Variants in ATP2B4 observed in about 807,000 individuals in gnomAD.
The protein encoded by ATP2B4 is ATPase plasma membrane Ca2+ transporting 4.
ATP2B4 carries 39 observed loss-of-function variants against 110.3 expected under a neutral mutation model. The observed-to-expected ratio is 0.35, with a 90% CI of 0.27 to 0.46. ATP2B4 has a LOEUF of 0.46. ATP2B4 is among the 20% of genes least tolerant of loss of function. The pLI, the probability that ATP2B4 is intolerant of heterozygous loss-of-function variation, is 1.00. For synonymous variants in ATP2B4, 538 were observed against 571.7 expected (o/e 0.94, Z 0.84); for missense variants, 1,135 against 1,530.9 (o/e 0.74, Z 4.32).
intron 1 of ATP2B4, among the ~76,000 whole-genome samples, chr1:203,680,319 C>CA (rs1193949473): frequency 6.6e-6 from 1 of 152,034 alleles, no homozygotes; most frequent in African/African-American, 2.4e-5. Context: ...TCATTAAGAT[C>CA]AAATTAGGCG....
chr1:203,680,525 C>T (rs1013713651), intron 1 of ATP2B4, among the ~76,000 whole-genome samples: 4 of 151,566 alleles, frequency 2.6e-5, no homozygotes, highest in Admixed American at 6.6e-5. Flanking sequence ...AGGAGAATGG[C>T]GTGAACCCGG....
chr1:203,636,355 C>T (rs929391112), intron 1 of ATP2B4, among the ~76,000 whole-genome samples: 5 of 152,178 alleles, frequency 3.3e-5, no homozygotes, highest in African/African-American at 4.8e-5. Context: ...CTGATCGTCG[C>T]TCTGGAGAGA....
At chr1:203,658,076 A>AG (rs1664219796) in intron 1 of ATP2B4, among the ~76,000 whole-genome samples, 1 of 152,228 alleles carries the variant, frequency 6.6e-6, no homozygotes, top group Admixed American at 6.5e-5. Flanking sequence ...AACACTTAAT[A>AG]GACTATAGTA....
At chr1:203,720,775 A>C (rs762384673) in intron 16 of ATP2B4, 35 bp downstream of exon 16, 184 of 1,588,612 alleles carry the variant, frequency 1.2e-4, no homozygotes, top group Non-Finnish European at 1.5e-5. Flanking sequence ...GACGGGAGGG[A>C]TGAGTCAGGG....
chr1:203,648,285 GTT>G (rs1001737241), intron 1 of ATP2B4, among the ~76,000 whole-genome samples: 18 of 151,592 alleles, frequency 1.2e-4, no homozygotes, highest in African/African-American at 3.6e-4. Flanking sequence ...GAAAAGAAGT[GTT>G]TTTTTTAAAA....
intron 1 of ATP2B4, among the ~76,000 whole-genome samples, chr1:203,659,495 G>A (rs193090402): frequency 6.6e-6 from 1 of 151,562 alleles, no homozygotes; most frequent in African/African-American, 2.4e-5. Flanking sequence ...ACAGCAAAAC[G>A]TTGTCTCTAC....
Position 203,700,880 on chromosome 1 carries a change from C to T in ATP2B4, c.858C>T (p.Leu286=), listed in dbSNP as rs752521673. 19 of 1,613,604 alleles carry T rather than the reference C, an allele frequency of 1.2e-5. No homozygotes were observed. The highest frequency in any genetic ancestry group is 3.3e-4 in the Middle Eastern group (2 of 6,080). Reference sequence around the variant, plus strand: ...CTCAGACTGGAATCATCCTTACTCTCTTGGGGGTCAATGAGGATGACGAAG... The same window carrying T: ...CTCAGACTGGAATCATCCTTACTCTTTTGGGGGTCAATGAGGATGACGAAG... ...VNSQTGIILT[L]LGVNEDDEGE... Residue 286 remains leucine, a synonymous_variant, in exon 6 of 21, where the codon CTC becomes CTT. Coordinates refer to ENST00000357681, the MANE Select transcript of ATP2B4 (RefSeq NM_001684.5).
At chr1:203,686,685 C>CTTTTGTTTTTTTTTTTTTTT (rs1665194016) in intron 2 of ATP2B4, among the ~76,000 whole-genome samples, 3 of 42,784 alleles carry the variant, frequency 7.0e-5, no homozygotes, top group African/African-American at 3.0e-4. Flanking sequence ...TCTTTTCTTT[C>CTTTTGTTTTTTTTTTTTTTT]TTTTTTTTTT....
intron 14 of ATP2B4, among the ~76,000 whole-genome samples, chr1:203,713,955 C>T (rs1173491449): frequency 6.6e-6 from 1 of 152,164 alleles, no homozygotes; most frequent in Non-Finnish European, 1.5e-5. Context: ...GAAATCCATC[C>T]TATGTGTTCT....
chr1:203,724,875 T>G lies in ATP2B4; in HGVS notation c.3132+887T>G, dbSNP rs985452827. The stretch of plus-strand genomic sequence containing the variant: ...TTTGAATCCAGCTCTCTGTTTTTTT[T>G]TTTTTTTTTTTTTTTTTCTGAGACA... On this transcript the variant is annotated intron_variant, in intron 19 of 20. Coordinates refer to ENST00000357681, the MANE Select transcript of ATP2B4 (RefSeq NM_001684.5). Among the ~76,000 whole-genome samples the G allele has an allele frequency of 5.1e-4, 72 of 141,856 alleles. 1 individual carries two copies. The highest frequency in any genetic ancestry group is 1.6e-3 in the African/African-American group (61 of 37,818). The allele number at this position is 141,856 out of a possible 152,430, so 93.1% of individuals were successfully genotyped here.
intron 2 of ATP2B4, among the ~76,000 whole-genome samples, chr1:203,691,532 G>A (rs1378782988): frequency 6.6e-6 from 1 of 152,194 alleles, no homozygotes; most frequent in Non-Finnish European, 1.5e-5. Flanking sequence ...AGAGCAGGGG[G>A]CGGGATAAAG....
intron 20 of ATP2B4, among the ~76,000 whole-genome samples, chr1:203,734,404 C>T (rs531268639): frequency 2.7e-4 from 41 of 152,138 alleles, no homozygotes; most frequent in African/African-American, 9.2e-4. Flanking sequence ...TCTGGGACTC[C>T]GGTTTAAAAA....
rs1667014142 is a variant in ATP2B4 at position 203,742,510 on chromosome 1, G to A, written c.*2656G>A. 6.6e-6 allele frequency: 1 copy of A among 152,626 alleles called. No homozygotes were observed. The highest frequency in any genetic ancestry group is 2.4e-5 in the African/African-American group (1 of 41,446). The allele number at this position is 152,626 out of a possible 1,614,324, so 9.5% of individuals were successfully genotyped here. The stretch of plus-strand genomic sequence containing the variant: ...AAATGGTGCTTTGGATTTGAAAAGG[G>A]TCTGATGGGGAGAAGGAGAACGTAT... On this transcript the variant is annotated 3_prime_UTR_variant, in exon 21 of 21. Transcript: ENST00000357681.
intron 1 of ATP2B4, among the ~76,000 whole-genome samples, chr1:203,647,676 T>C (rs1663844865): frequency 6.6e-6 from 1 of 152,092 alleles, no homozygotes; most frequent in Admixed American, 6.5e-5. Flanking sequence ...GGAGGCTTGC[T>C]TGAGTCCAGG....
chr1:203,713,094 T>C (rs969341404), intron 13 of ATP2B4, 71 bp from the exon 14 acceptor site: 17 of 1,530,534 alleles, frequency 1.1e-5, no homozygotes, highest in Non-Finnish European at 1.4e-5. Context: ...TCCAAGTGTA[T>C]GGAGAAGTTA....
In ATP2B4 at chr1:203,651,140, T is replaced by G. The variant is rs144121693; in HGVS notation, c.-465+23921T>G. ...TTCAACAAAAGTTCTTATTTAAGAG[T>G]CTTGATATTTTTAGATAGTTCCATG... is the stretch of plus-strand genomic sequence containing the variant. On this transcript the variant is annotated intron_variant, in intron 1 of 20. Coordinates refer to ENST00000357681, the MANE Select transcript of ATP2B4 (RefSeq NM_001684.5). Among the ~76,000 whole-genome samples the G allele has an allele frequency of 1.3e-3, 199 of 152,200 alleles. 1 individual carries two copies. The highest frequency in any genetic ancestry group is 4.4e-3 in the African/African-American group (181 of 41,506).
At chr1:203,699,853 A>G in intron 4 of ATP2B4, 136 bp downstream of exon 4, 1 of 1,428,968 alleles carries the variant, frequency 7.0e-7, no homozygotes. Flanking sequence ...TCTAGGTTAG[A>G]GTTTAAAGAG....
chr1:203,637,683 T>C (rs758490508), intron 1 of ATP2B4, among the ~76,000 whole-genome samples: 2 of 152,154 alleles, frequency 1.3e-5, no homozygotes, highest in Non-Finnish European at 2.9e-5. Flanking sequence ...GAGGTAGACA[T>C]GTTGGCAGAG....
intron 1 of ATP2B4, among the ~76,000 whole-genome samples, chr1:203,681,658 T>G (rs10736845): frequency 2.6e-5 from 4 of 151,408 alleles, no homozygotes; most frequent in Admixed American, 6.6e-5. Flanking sequence ...CCCTCCGTTT[T>G]GTCACCTACA....
Sources: gnomAD v4.1 joint callset for allele counts (sites outside exome capture counted in the v4.1 genomes callset) on GRCh38, gnomAD v4.1.1 for gene constraint, MANE v1.5 for transcripts, NCBI Gene and HGNC (gene_info 2026-07-23, HGNC 2026-07-21) for gene names.